Variants in TENM2 observed in about 807,000 individuals in gnomAD.
TENM2 encodes teneurin-2.
A neutral mutation model predicts 245.2 loss-of-function variants in TENM2; 52 were observed. The ratio of observed to expected loss-of-function variants is 0.21; its 90% CI spans 0.17 to 0.27. The LOEUF is 0.27. Among genes scored for constraint, TENM2 ranks in the 10% least tolerant of loss-of-function variants. The pLI is 1.00. For synonymous variants in TENM2, 1,363 were observed against 1,438.9 expected, an observed-to-expected ratio of 0.95 and a Z score of 1.19; for missense variants, 3,046 against 3,666.8, an observed-to-expected ratio of 0.83 and a Z score of 4.37.
At chr5:167,373,638 A>G (rs987261249) in intron 1 of TENM2, among the ~76,000 whole-genome samples, 4 of 152,214 alleles carry the variant, frequency 2.6e-5, no homozygotes, top group African/African-American at 4.8e-5. Context: ...AAGCACAAAT[A>G]AATAAACTGC....
At chr5:168,008,484 T>C (rs916562595) in intron 5 of TENM2, among the ~76,000 whole-genome samples, 1 of 152,096 alleles carries the variant, frequency 6.6e-6, no homozygotes, top group Non-Finnish European at 1.5e-5. Context: ...TAAATATTTA[T>C]TTGTTGATTG....
At position 167,363,960 on chromosome 5, in the gene TENM2, T is replaced by G. The variant is rs556629868; in HGVS notation, c.227-11238T>G. Among the ~76,000 whole-genome samples, 14 of 151,964 alleles carry G rather than the reference T, an allele frequency of 9.2e-5. No individual in the cohort carries two copies. The South Asian group carries it at 2.5e-3, about 27-fold the overall frequency. ...GCAAATTGTTGAAATTAAAAAAAGT[T>G]TAGTACATAACAGTGAATATGAGTT... On this transcript the variant is annotated intron_variant, in intron 1 of 28. Coordinates refer to ENST00000518659, the Ensembl canonical transcript of TENM2.
the TENM2 span, among the ~76,000 whole-genome samples, chr5:167,214,571 T>C: frequency 6.6e-6 from 1 of 152,246 alleles, no homozygotes; most frequent in Admixed American, 6.5e-5. Flanking sequence ...GATTTGGGTA[T>C]GTAACCAATA....
intron 23 of TENM2, among the ~76,000 whole-genome samples, chr5:168,224,371 C>G (rs549549184): frequency 6.6e-5 from 10 of 152,316 alleles, no homozygotes; most frequent in African/African-American, 2.4e-4. Flanking sequence ...CACCTTTAGG[C>G]AGCGCGGTGT....
At chr5:168,169,948 T>C (rs1227698257) in intron 13 of TENM2, among the ~76,000 whole-genome samples, 1 of 152,178 alleles carries the variant, frequency 6.6e-6, no homozygotes, top group African/African-American at 2.4e-5. Context: ...AAGCAATGTC[T>C]CTAATGCTTA....
At chr5:167,122,408 C>G in the TENM2 span, among the ~76,000 whole-genome samples, 1 of 152,156 alleles carries the variant, frequency 6.6e-6, no homozygotes, top group Non-Finnish European at 1.5e-5. Flanking sequence ...ATTCCATTAA[C>G]TCTATTGTCC....
chr5:167,651,887 C>T (rs1163345191), intron 2 of TENM2, among the ~76,000 whole-genome samples: 1 of 152,156 alleles, frequency 6.6e-6, no homozygotes, highest in East Asian at 1.9e-4. Flanking sequence ...ACAAGATATA[C>T]TGAACCCACC....
At chr5:167,085,419 C>A in the TENM2 span, among the ~76,000 whole-genome samples, 1 of 152,098 alleles carries the variant, frequency 6.6e-6, no homozygotes, top group Non-Finnish European at 1.5e-5. Flanking sequence ...GGAAAGCTAT[C>A]TAATTATTAT....
intron 2 of TENM2, among the ~76,000 whole-genome samples, chr5:167,520,106 A>G (rs1052474064): frequency 6.6e-6 from 1 of 152,194 alleles, no homozygotes; most frequent in Non-Finnish European, 1.5e-5. Flanking sequence ...TAATCATACC[A>G]GATATTTAAT....
chr5:167,475,611 C>A (rs1767321307), intron 2 of TENM2, among the ~76,000 whole-genome samples: 2 of 152,088 alleles, frequency 1.3e-5, no homozygotes, highest in Admixed American at 1.3e-4. Flanking sequence ...GCCCCGCATG[C>A]ATTAGGTATT....
intron 5 of TENM2, among the ~76,000 whole-genome samples, chr5:168,045,757 C>A (rs1186966133): frequency 6.6e-6 from 1 of 152,186 alleles, no homozygotes; most frequent in Non-Finnish European, 1.5e-5. Context: ...TTCCTTGGCT[C>A]CCTTCACCTG....
chr5:167,320,472 G>A (rs1006875979), intron 1 of TENM2, among the ~76,000 whole-genome samples: 1 of 152,136 alleles, frequency 6.6e-6, no homozygotes, highest in Admixed American at 6.5e-5. Context: ...GACACAGAAC[G>A]AGATCATTCA....
intron 2 of TENM2, among the ~76,000 whole-genome samples, chr5:167,463,363 C>T (rs1469127645): frequency 6.6e-6 from 1 of 152,184 alleles, no homozygotes; most frequent in African/African-American, 2.4e-5. Context: ...TGGTTTGTGA[C>T]CATTGTCAGT....
At chr5:167,659,848 T>G (rs1005958092) in intron 2 of TENM2, among the ~76,000 whole-genome samples, 4 of 152,184 alleles carry the variant, frequency 2.6e-5, no homozygotes, top group African/African-American at 9.6e-5. Flanking sequence ...TTGCCATAAT[T>G]AATTTCAGAA....
the TENM2 span, among the ~76,000 whole-genome samples, chr5:167,095,749 C>T: frequency 6.7e-6 from 1 of 148,442 alleles, no homozygotes; most frequent in South Asian, 2.1e-4. Flanking sequence ...CAGAGCATTT[C>T]AACTCAAAGA....
Position 168,238,208 on chromosome 5 carries a change from AGGGAGG to A in TENM2, c.5521-6210_5521-6205del, listed in dbSNP as rs1562320716. Among the ~76,000 whole-genome samples the A allele has an allele frequency of 5.4e-3, 513 of 94,818 alleles. 108 individuals carry two copies. Among genetic ancestry groups the A allele is most frequent in the African/African-American group, 0.017 (481 of 27,618 alleles). 62.2% of individuals were successfully genotyped at this position (94,818 alleles called of 152,430 possible). A position where few individuals can be genotyped will look rare whatever the true frequency, so the allele number is the denominator to read the frequency against. ...GAGGGAGGGAGGGAGGGAGGGAGGG[AGGGAGG>A]GAGAGAGAAGAAAAGAAAAGAAAAG... is the stretch of plus-strand genomic sequence containing the variant. On this transcript the variant is annotated intron_variant, in intron 25 of 28. Transcript: ENST00000518659.
At chr5:167,740,740 T>C (rs1384756684) in intron 2 of TENM2, among the ~76,000 whole-genome samples, 2 of 152,206 alleles carry the variant, frequency 1.3e-5, no homozygotes, top group Non-Finnish European at 2.9e-5. Context: ...TAGTTGGCTG[T>C]CTTCTTTATT....
At chr5:168,173,832 A>C (rs777119191) in intron 13 of TENM2, among the ~76,000 whole-genome samples, 5 of 152,220 alleles carry the variant, frequency 3.3e-5, no homozygotes, top group Non-Finnish European at 7.3e-5. Context: ...GGCACTGAAG[A>C]CTTCCAAAAT....
chr5:167,730,376 T>G (rs1655080829), intron 2 of TENM2, among the ~76,000 whole-genome samples: 2 of 152,182 alleles, frequency 1.3e-5, no homozygotes, highest in Admixed American at 6.5e-5. Flanking sequence ...ATATTGTTTG[T>G]GAGTCATTGG....
Sources: gnomAD v4.1 joint callset for allele counts (sites outside exome capture counted in the v4.1 genomes callset) on GRCh38, gnomAD v4.1.1 for gene constraint, MANE v1.5 for transcripts, NCBI Gene and HGNC (gene_info 2026-07-23, HGNC 2026-07-21) for gene names.